MEGF11: variants seen among roughly 807,000 people sequenced by gnomAD.
MEGF11 encodes multiple EGF like domains 11.
A neutral mutation model predicts 146.6 loss-of-function variants in MEGF11; 126 were observed. That is an observed-to-expected ratio of 0.86 (90% CI 0.74 to 1.00). The LOEUF is 1.00. Ranked by LOEUF, MEGF11 falls within the 50% of genes least tolerant of loss-of-function variation. The pLI, the probability that MEGF11 is intolerant of heterozygous loss-of-function variation, is 0.00. For synonymous variants in MEGF11, 532 were observed against 583.4 expected (o/e 0.91, Z 1.27); for missense variants, 1,509 against 1,521.2 (o/e 0.99, Z 0.13).
intron 1 of MEGF11, among the ~76,000 whole-genome samples, chr15:66,248,474 T>C (rs1201244544): frequency 6.6e-6 from 1 of 152,242 alleles, no homozygotes; most frequent in Non-Finnish European, 1.5e-5. Flanking sequence ...TCATTGTGCC[T>C]ATCCCAAGGT....
chr15:66,130,342 G>A (rs1403034223), intron 1 of MEGF11, among the ~76,000 whole-genome samples: 2 of 152,180 alleles, frequency 1.3e-5, no homozygotes, highest in South Asian at 2.1e-4. Flanking sequence ...GCCAGCTGTA[G>A]GGGATGCCTT....
intron 5 of MEGF11, among the ~76,000 whole-genome samples, chr15:66,059,140 T>G (rs567802764): frequency 6.6e-6 from 1 of 152,324 alleles, no homozygotes; most frequent in South Asian, 2.1e-4. Flanking sequence ...TTAGAAACCA[T>G]TGCTCTAACC....
intron 5 of MEGF11, among the ~76,000 whole-genome samples, chr15:66,089,061 C>A (rs1251558155): frequency 6.6e-6 from 1 of 152,260 alleles, no homozygotes; most frequent in Non-Finnish European, 1.5e-5. Flanking sequence ...TTGAGAAGCA[C>A]TGACCTTAAG....
intron 10 of MEGF11, among the ~76,000 whole-genome samples, chr15:65,933,291 C>A (rs897598646): frequency 3.3e-5 from 5 of 152,214 alleles, no homozygotes; most frequent in Non-Finnish European, 1.5e-5. Flanking sequence ...CCTCTGAGGG[C>A]CTTGGACTGG....
rs76769099 is a variant in MEGF11, at chr15:66,068,996, C to T, written c.394+25406G>A. On this transcript the variant is annotated intron_variant, in intron 5 of 25. Coordinates refer to ENST00000395614, the MANE Select transcript of MEGF11 (RefSeq NM_001385028.1). ...TGAGACACCAGGGAGTGGCAGTGTG[C>T]TTGGTCACTGGGTGCTCCTGGGTCA... Among the ~76,000 whole-genome samples the T allele has an allele frequency of 6.2e-3, 943 of 152,320 alleles. 10 individuals carry two copies. Among genetic ancestry groups the T allele is most frequent in the South Asian group, 0.032 (153 of 4,828 alleles).
At chr15:66,141,278 G>C (rs1332322023) in intron 1 of MEGF11, among the ~76,000 whole-genome samples, 9 of 134,176 alleles carry the variant, frequency 6.7e-5, no homozygotes, top group African/African-American at 2.4e-4. Context: ...GTGTGTGTGT[G>C]TGTGTGTGTG....
intron 5 of MEGF11, among the ~76,000 whole-genome samples, chr15:66,086,000 A>T (rs2086093097): frequency 6.6e-6 from 1 of 152,220 alleles, no homozygotes; most frequent in Admixed American, 6.5e-5. Context: ...CTTTGAGCAC[A>T]CTTTTAGAAA....
In MEGF11 at chr15:66,176,958, C is replaced by T. The variant is rs1056830431; in HGVS notation, c.-8-48547G>A. On this transcript the variant is annotated intron_variant, in intron 1 of 25. Coordinates refer to ENST00000395614, the MANE Select transcript of MEGF11 (RefSeq NM_001385028.1). ...GCAATGACAAAGTTCACAGGCCATG[C>T]CTAGGCCAGCCCACTCCCTCCCTTA... 3.9e-5 allele frequency among the ~76,000 whole-genome samples: 6 copies of T among 152,188 alleles called. No individual in the cohort carries two copies. In the East Asian group the frequency reaches 1.2e-3, roughly 29 times the overall value.
intron 10 of MEGF11, among the ~76,000 whole-genome samples, chr15:65,933,446 T>C (rs1273075106): frequency 1.3e-5 from 2 of 152,220 alleles, no homozygotes; most frequent in African/African-American, 4.8e-5. Flanking sequence ...TGCAGGTCTG[T>C]TGATGGGGCT....
At chr15:65,924,876 G>T (rs185060346) in intron 13 of MEGF11, among the ~76,000 whole-genome samples, 1 of 152,062 alleles carries the variant, frequency 6.6e-6, no homozygotes, top group African/African-American at 2.4e-5. Context: ...TGATCCGCCC[G>T]CCTCAGCCTC....
intron 4 of MEGF11, among the ~76,000 whole-genome samples, chr15:66,098,319 T>C (rs62011844): frequency 0.098 from 14,918 of 152,124 alleles, 769 homozygotes; most frequent in Middle Eastern, 0.18. Context: ...CCATCTGCTG[T>C]CCCCAGCTCA....
chr15:65,958,450 C>T (rs1452252816), intron 9 of MEGF11, among the ~76,000 whole-genome samples: 7 of 152,216 alleles, frequency 4.6e-5, no homozygotes, highest in Non-Finnish European at 7.3e-5. Flanking sequence ...TCATGATCAG[C>T]GGGATGCCAG....
chr15:66,181,765 C>T (rs1007422467), intron 1 of MEGF11, among the ~76,000 whole-genome samples: 1 of 152,190 alleles, frequency 6.6e-6, no homozygotes, highest in Non-Finnish European at 1.5e-5. Flanking sequence ...AGTGCCAATG[C>T]TGGGGGAGGG....
At chr15:65,999,708 C>T (rs749989914) in intron 5 of MEGF11, among the ~76,000 whole-genome samples, 3 of 152,174 alleles carry the variant, frequency 2.0e-5, no homozygotes, top group Non-Finnish European at 4.4e-5. Flanking sequence ...TATTCAATGC[C>T]TGGCAAGAAG....
chr15:66,243,046 C>T (rs1192242004), intron 1 of MEGF11, among the ~76,000 whole-genome samples: 1 of 152,154 alleles, frequency 6.6e-6, no homozygotes, highest in Non-Finnish European at 1.5e-5. Flanking sequence ...CTTCTACATA[C>T]ACACACACAC....
At chr15:65,902,027 C>T (rs974033099) in intron 24 of MEGF11, 1 of 152,222 alleles carries the variant, frequency 6.6e-6, no homozygotes, top group Non-Finnish European at 1.5e-5. Context: ...TAAAGGCAAA[C>T]TGTATCTGCA....
chr15:66,056,365 C>T (rs2084675119), intron 5 of MEGF11, among the ~76,000 whole-genome samples: 1 of 152,054 alleles, frequency 6.6e-6, no homozygotes, highest in Non-Finnish European at 1.5e-5. Context: ...AAATAGGAGC[C>T]CCAGTCAGCA....
chr15:66,191,818 G>A (rs1412397469), intron 1 of MEGF11, among the ~76,000 whole-genome samples: 1 of 152,214 alleles, frequency 6.6e-6, no homozygotes, highest in Admixed American at 6.5e-5. Context: ...GCTCACGCCT[G>A]TAATCCCAGC....
chr15:66,248,122 T>C (rs529546043), intron 1 of MEGF11, among the ~76,000 whole-genome samples: 1 of 152,290 alleles, frequency 6.6e-6, no homozygotes, highest in East Asian at 1.9e-4. Flanking sequence ...GGCTTCTGGG[T>C]AAGACTCCCT....
Sources: allele counts gnomAD v4.1 joint callset (sites outside exome capture counted in the v4.1 genomes callset), GRCh38; gene constraint gnomAD v4.1.1; transcripts MANE v1.5; gene names NCBI Gene and HGNC (gene_info 2026-07-23, HGNC 2026-07-21).